The following CZIB variants were observed in gnomAD, a reference collection of about 807,000 sequenced individuals.
CZIB encodes CXXC motif containing zinc binding protein.
A neutral mutation model predicts 28.3 loss-of-function variants in CZIB; 26 were observed. That is an observed-to-expected ratio of 0.92 (90% CI 0.67 to 1.27). The LOEUF (loss-of-function observed/expected upper bound fraction) is 1.27. Among genes scored for constraint, CZIB ranks in the 50% most tolerant of loss-of-function variants. The probability of loss-of-function intolerance (pLI) is 0.00; values close to 1 mark genes in which losing one functional copy is unlikely to be tolerated. For synonymous variants in CZIB, 78 were observed against 71.1 expected (o/e 1.10, Z -0.49); for missense variants, 179 against 197.3 (o/e 0.91, Z 0.56).
At position 53,215,959 on chromosome 1, in the gene CZIB, A is replaced by G. The variant is rs189937356; in HGVS notation, c.405+32T>C. Reference sequence around the variant, plus strand: ...AAAAATAATTCCCACCAGGTGCCCTACAGTACCTCCCAAAGCCCCCAAGTC... The same window carrying G: ...AAAAATAATTCCCACCAGGTGCCCTGCAGTACCTCCCAAAGCCCCCAAGTC... On this transcript the variant is annotated intron_variant, in intron 7 of 7. Transcript: ENST00000294360. The G allele has an allele frequency of 5.7e-5, 91 of 1,609,538 alleles. No homozygotes were observed. In the African/African-American group the frequency reaches 9.7e-4, roughly 17 times the overall value.
At chr1:53,216,637 A>C (rs1431233357) in intron 6 of CZIB, 145 bp downstream of exon 6, 2 of 710,336 alleles carry the variant, frequency 2.8e-6, no homozygotes, top group Non-Finnish European at 4.9e-6. Flanking sequence ...GCCCAAGCAT[A>C]CAGCAGCCAC....
Position 53,215,942 on chromosome 1 carries a change from T to C in CZIB, c.405+49A>G, listed in dbSNP as rs201506667. On this transcript the variant is annotated intron_variant, in intron 7 of 7. Coordinates refer to ENST00000294360, the MANE Select transcript of CZIB (RefSeq NM_017887.3). ...TGAGCCTTGTCCACCAAAAAAATAA[T>C]TCCCACCAGGTGCCCTACAGTACCT... 50 of 1,575,904 alleles carry C rather than the reference T, an allele frequency of 3.2e-5. No individual in the cohort carries two copies. The East Asian group carries it at 6.5e-4, about 21-fold the overall frequency.
chr1:53,216,888 G>A (rs747054478), intron 5 of CZIB, 29 bp from the exon 6 acceptor site: 1 of 1,583,284 alleles, frequency 6.3e-7, no homozygotes, highest in Admixed American at 1.7e-5. Context: ...GAGGAGGCAG[G>A]CCCAAATGAG....
Position 53,220,559 on chromosome 1 carries a change from C to A in CZIB, c.6+11G>T. ...CCCTCCGTGTCCCCGCGGCGGGCGG[C>A]CTCCCCTCACCCCCATGGTAGCCCT... On this transcript the variant is annotated intron_variant, in intron 1 of 7. Coordinates refer to ENST00000294360, the MANE Select transcript of CZIB (RefSeq NM_017887.3). 6.3e-7 allele frequency: 1 copy of A among 1,598,724 alleles called. No homozygotes were observed. The highest frequency in any genetic ancestry group is 1.3e-5 in the African/African-American group (1 of 75,008).
At chr1:53,218,076 G>C (rs368740233) in intron 5 of CZIB, 96 bp downstream of exon 5, 1 of 1,293,160 alleles carries the variant, frequency 7.7e-7, no homozygotes, top group Non-Finnish European at 1.1e-6. Context: ...TCCTATGGCA[G>C]GTCACTCTGA....
At chr1:53,216,947 T>A in intron 5 of CZIB, 88 bp from the exon 6 acceptor site, 14 of 1,156,128 alleles carry the variant, frequency 1.2e-5, no homozygotes, top group Non-Finnish European at 1.6e-5. Context: ...AATGGGCACT[T>A]ACTGCCCCTG....
intron 2 of CZIB, 49 bp downstream of exon 2, chr1:53,220,212 A>G: frequency 6.6e-7 from 1 of 1,513,938 alleles, no homozygotes; most frequent in South Asian, 1.1e-5. Flanking sequence ...CCGGTTCAGC[A>G]CTGAGATCAG....
Position 53,214,633 on chromosome 1 carries a change from T to C in CZIB, c.*26A>G, listed in dbSNP as rs747553818. ...GAGTACTTTGTCCTTTCTCAGTTCT[T>C]AAGGGCAACTGGGAAGGAAGAGGGA... On this transcript the variant is annotated 3_prime_UTR_variant, in exon 8 of 8. Transcript: ENST00000294360. The C allele has an allele frequency of 5.6e-6, 9 of 1,606,292 alleles. 1 individual carries two copies. The South Asian group carries it at 9.9e-5, about 18-fold the overall frequency.
Position 53,214,586 on chromosome 1 carries a change from C to A in CZIB, c.*73G>T, listed in dbSNP as rs1572388502. 6 of 1,336,280 alleles carry A rather than the reference C, an allele frequency of 4.5e-6. No homozygotes were observed. The highest frequency in any genetic ancestry group is 6.4e-6 in the Non-Finnish European group (6 of 936,844). 82.8% of individuals were successfully genotyped at this position (1,336,280 alleles called of 1,614,324 possible). On this transcript the variant is annotated 3_prime_UTR_variant, in exon 8 of 8. Coordinates refer to ENST00000294360, the MANE Select transcript of CZIB (RefSeq NM_017887.3). Reference sequence around the variant, plus strand: ...AGGAGACAAGGGTCAAAGGAACGAGCCTCTGTGGGCTCTGCTGCTTAGAGT... The same window carrying A: ...AGGAGACAAGGGTCAAAGGAACGAGACTCTGTGGGCTCTGCTGCTTAGAGT...
intron 2 of CZIB, 87 bp downstream of exon 2, chr1:53,220,174 A>AT: frequency 1.7e-6 from 2 of 1,207,764 alleles, no homozygotes; most frequent in South Asian, 2.7e-5. Flanking sequence ...CTGGTTAAAT[A>AT]TTTTCTCATA....
rs1279712067 is a variant in CZIB, at chr1:53,218,202, C to A, written c.231G>T (p.Glu77Asp). The A allele has an allele frequency of 6.2e-7, 1 of 1,614,022 alleles. No individual in the cohort carries two copies. Among genetic ancestry groups the A allele is most frequent in the Non-Finnish European group, 8.5e-7 (1 of 1,179,986 alleles). The change falls in exon 5 of 8, where the codon GAG becomes GAT. Residue 77 changes from glutamate to aspartate, a missense_variant and splice_region_variant. Physicochemically the swap from Glu to Asp is conservative, Grantham distance 45. Transcript: ENST00000294360. The stretch of plus-strand genomic sequence containing the variant: ...AAGGCTTGATGGTGCTGCTTAAAAT[C>A]TCTGAAATAGAAAAGAGAACACAAA... Reference protein sequence around the residue: ...CKLCARENSIEILSSTIKPYN... With the variant: ...CKLCARENSIDILSSTIKPYN...
At chr1:53,216,933 G>A in intron 5 of CZIB, 74 bp from the exon 6 acceptor site, 1 of 1,282,444 alleles carries the variant, frequency 7.8e-7, no homozygotes, top group Non-Finnish European at 1.1e-6. Context: ...TCTCCTTCCT[G>A]CCAAATGGGC....
At chr1:53,215,250 G>A (rs1645462932) in intron 7 of CZIB, among the ~76,000 whole-genome samples, 1 of 152,188 alleles carries the variant, frequency 6.6e-6, no homozygotes, top group Non-Finnish European at 1.5e-5. Flanking sequence ...TGAGGTAGGA[G>A]GATCACTTGA....
chr1:53,217,114 C>G, intron 5 of CZIB: 1 of 432,102 alleles, frequency 2.3e-6, no homozygotes, highest in East Asian at 4.0e-5. Flanking sequence ...AAGGTAAGCT[C>G]TGCCTATCTT....
intron 3 of CZIB, 39 bp downstream of exon 3, chr1:53,218,828 G>GT (rs1645491419): frequency 6.4e-7 from 1 of 1,563,084 alleles, no homozygotes; most frequent in Non-Finnish European, 8.8e-7. Context: ...ATGTGTGTTT[G>GT]TGAGTGTTTA....
intron 3 of CZIB, 53 bp downstream of exon 3, chr1:53,218,814 G>C: frequency 6.6e-7 from 1 of 1,519,172 alleles, no homozygotes; most frequent in Non-Finnish European, 9.1e-7. Flanking sequence ...CTGCCCAGAA[G>C]TGTATGTGTG....
intron 7 of CZIB, 39 bp downstream of exon 7, chr1:53,215,952 G>A: frequency 6.3e-7 from 1 of 1,589,056 alleles, no homozygotes. Context: ...TTCCCACCAG[G>A]TGCCCTACAG....
At chr1:53,216,681 G>T in intron 6 of CZIB, 101 bp downstream of exon 6, 1 of 1,065,184 alleles carries the variant, frequency 9.4e-7, no homozygotes, top group Non-Finnish European at 1.4e-6. Context: ...CTAGAAAGGA[G>T]AATGTCTAGT....
Position 53,220,331 on chromosome 1 carries a change from T to C in CZIB, c.20A>G (p.Gln7Arg). Residue 7 changes from glutamine to arginine, a missense_variant, in exon 2 of 8, where the codon CAA becomes CGA. Gln to Arg is a conservative substitution (Grantham distance 43, BLOSUM62 1). Coordinates refer to ENST00000294360, the MANE Select transcript of CZIB (RefSeq NM_017887.3). MGKIAL[Q>R]LKATLENITN... ...GATGTTCTCCAGCGTGGCTTTGAGT[T>C]GCAGCGCGATTTTCTGAGGGGGAGG... 1 of 1,613,160 alleles carries C rather than the reference T, an allele frequency of 6.2e-7. No individual in the cohort carries two copies. Among genetic ancestry groups the C allele is most frequent in the African/African-American group, 1.3e-5 (1 of 75,068 alleles).
Sources: allele counts gnomAD v4.1 joint callset (sites outside exome capture counted in the v4.1 genomes callset), GRCh38; gene constraint gnomAD v4.1.1; transcripts MANE v1.5; gene names NCBI Gene and HGNC (gene_info 2026-07-23, HGNC 2026-07-21).